Variants in RAPGEF1 observed in about 807,000 individuals in gnomAD.
The protein encoded by RAPGEF1 is Rap guanine nucleotide exchange factor 1.
In RAPGEF1, 33 loss-of-function variants were observed where a neutral mutation model predicts 143.3. The ratio of observed to expected loss-of-function variants is 0.23; its 90% CI spans 0.17 to 0.31. The LOEUF is 0.31. Ranked by LOEUF, RAPGEF1 falls within the 10% of genes least tolerant of loss-of-function variation. The pLI is 1.00. For missense variants in RAPGEF1, 1,199 were observed against 1,645.4 expected (o/e 0.73, Z 4.69); for synonymous variants, 629 against 676.5 (o/e 0.93, Z 1.09).
chr9:131,735,428 G>T (rs1281414973), intron 1 of RAPGEF1, among the ~76,000 whole-genome samples: 1 of 152,192 alleles, frequency 6.6e-6, no homozygotes, highest in Non-Finnish European at 1.5e-5. Context: ...CTGCAAGTCT[G>T]ATCTCTTGCC....
chr9:131,710,805 C>G (rs979113563), intron 1 of RAPGEF1, among the ~76,000 whole-genome samples: 7 of 152,108 alleles, frequency 4.6e-5, no homozygotes, highest in Non-Finnish European at 7.4e-5. Flanking sequence ...AGGAGAATCA[C>G]TTGAACCTGG....
intron 16 of RAPGEF1, 46 bp downstream of exon 16, chr9:131,598,153 C>G (rs1365169479): frequency 2.0e-6 from 3 of 1,518,990 alleles, no homozygotes; most frequent in Middle Eastern, 1.7e-4. Context: ...CACCTGCTCT[C>G]CTCTGTGGGG....
At chr9:131,651,780 G>C (rs997611148) in intron 1 of RAPGEF1, among the ~76,000 whole-genome samples, 1 of 152,186 alleles carries the variant, frequency 6.6e-6, no homozygotes, top group African/African-American at 2.4e-5. Context: ...TCTGAGTAAT[G>C]CATCATTAGG....
At chr9:131,587,672 C>T (rs1006000050) in intron 22 of RAPGEF1, 64 bp downstream of exon 22, 21 of 1,471,124 alleles carry the variant, frequency 1.4e-5, no homozygotes, top group Middle Eastern at 2.2e-4. Flanking sequence ...CAAAGGAAAA[C>T]GCAGAGCCCA....
At chr9:131,680,862 C>T (rs1007682928) in intron 1 of RAPGEF1, among the ~76,000 whole-genome samples, 4 of 152,114 alleles carry the variant, frequency 2.6e-5, no homozygotes, top group African/African-American at 7.2e-5. Flanking sequence ...GTTAGGGTCT[C>T]GCGGACCGAG....
chr9:131,708,850 C>T (rs1208606676), intron 1 of RAPGEF1, among the ~76,000 whole-genome samples: 1 of 152,040 alleles, frequency 6.6e-6, no homozygotes, highest in African/African-American at 2.4e-5. Context: ...CCTGTCTCAG[C>T]CTTATGCCTG....
At chr9:131,613,260 GA>G (rs1958333092) in intron 12 of RAPGEF1, among the ~76,000 whole-genome samples, 1 of 151,528 alleles carries the variant, frequency 6.6e-6, no homozygotes, top group Non-Finnish European at 1.5e-5. Context: ...CGGTGGGGGA[GA>G]AGACAGGGTT....
At chr9:131,691,997 CTTCTT>C (rs1367739422) in intron 1 of RAPGEF1, among the ~76,000 whole-genome samples, 1 of 152,172 alleles carries the variant, frequency 6.6e-6, no homozygotes, top group Non-Finnish European at 1.5e-5. Context: ...ATTTGTGACT[CTTCTT>C]ATCTTTGTGC....
At chr9:131,687,489 C>T (rs1057194832) in intron 1 of RAPGEF1, among the ~76,000 whole-genome samples, 1 of 124,902 alleles carries the variant, frequency 8.0e-6, no homozygotes, top group East Asian at 2.3e-4. Context: ...GCCATCGCAC[C>T]CGGCCTTGCA....
At chr9:131,592,231 G>T (rs750806458) in intron 17 of RAPGEF1, 48 bp from the exon 18 acceptor site, 1 of 1,455,034 alleles carries the variant, frequency 6.9e-7, no homozygotes, top group Non-Finnish European at 9.6e-7. Flanking sequence ...GCAGAGTGCT[G>T]GGGGGTGGTA....
intron 1 of RAPGEF1, among the ~76,000 whole-genome samples, chr9:131,695,800 T>C (rs577974720): frequency 6.6e-6 from 1 of 152,356 alleles, no homozygotes; most frequent in East Asian, 1.9e-4. Context: ...TGTTCCCATC[T>C]CATCCTCTCC....
At chr9:131,672,586 G>T (rs1831585326) in intron 1 of RAPGEF1, among the ~76,000 whole-genome samples, 1 of 152,198 alleles carries the variant, frequency 6.6e-6, no homozygotes, top group Admixed American at 6.5e-5. Flanking sequence ...GGAACCGGTT[G>T]AGCTATTAAG....
intron 1 of RAPGEF1, among the ~76,000 whole-genome samples, chr9:131,660,913 A>C (rs945716003): frequency 2.0e-5 from 3 of 152,272 alleles, no homozygotes; most frequent in Non-Finnish European, 2.9e-5. Flanking sequence ...TCAGAATCAC[A>C]AAAGGCAACA....
intron 1 of RAPGEF1, among the ~76,000 whole-genome samples, chr9:131,674,722 A>G (rs1260833293): frequency 6.6e-6 from 1 of 152,096 alleles, no homozygotes; most frequent in East Asian, 1.9e-4. Context: ...CACCAACCCA[A>G]CCTGAAGAGG....
chr9:131,731,749 G>C (rs1837089434), intron 1 of RAPGEF1, among the ~76,000 whole-genome samples: 3 of 152,232 alleles, frequency 2.0e-5, no homozygotes, highest in South Asian at 4.1e-4. Flanking sequence ...CGCTTTAAAA[G>C]CACTGCAGAA....
intron 1 of RAPGEF1, among the ~76,000 whole-genome samples, chr9:131,718,520 C>A (rs1234627048): frequency 6.6e-6 from 1 of 152,092 alleles, no homozygotes; most frequent in African/African-American, 2.4e-5. Flanking sequence ...AAGGGGTCAG[C>A]AGAGGAGGTA....
chr9:131,667,371 C>T lies in RAPGEF1; in HGVS notation c.62-16422G>A, dbSNP rs954593872. ...TGCTCGCCTTAGGCAGGGCTCAGGG[C>T]AGCACTGGAGTCCCAGACTATGGAG... is the stretch of plus-strand genomic sequence containing the variant. On this transcript the variant is annotated intron_variant, in intron 1 of 26. Coordinates refer to ENST00000683357, the MANE Select transcript of RAPGEF1 (RefSeq NM_001377935.1). The surrounding 1 kb of genome is among the most constrained non-coding windows in gnomAD (Gnocchi z 4.6). Among the ~76,000 whole-genome samples, 1 of 152,204 alleles carries T rather than the reference C, an allele frequency of 6.6e-6. No individual in the cohort carries two copies. The highest frequency in any genetic ancestry group is 2.4e-5 in the African/African-American group (1 of 41,452).
At chr9:131,739,354 A>G (rs1034488566) in intron 1 of RAPGEF1, among the ~76,000 whole-genome samples, 5 of 152,206 alleles carry the variant, frequency 3.3e-5, no homozygotes, top group African/African-American at 9.6e-5. Context: ...CTCGTTAGAA[A>G]TGACACATTT....
intron 1 of RAPGEF1, among the ~76,000 whole-genome samples, chr9:131,736,635 A>G (rs1432585558): frequency 6.6e-6 from 1 of 152,192 alleles, no homozygotes; most frequent in African/African-American, 2.4e-5. Flanking sequence ...GTATCAGGCA[A>G]TGCAAGGGGG....
Sources: allele counts gnomAD v4.1 joint callset (sites outside exome capture counted in the v4.1 genomes callset), GRCh38; gene constraint gnomAD v4.1.1; non-coding constraint Gnocchi (gnomAD v3.1); transcripts MANE v1.5; gene names NCBI Gene and HGNC (gene_info 2026-07-23, HGNC 2026-07-21).